ADAMTS19: variants seen among roughly 807,000 people sequenced by gnomAD.
ADAMTS19 encodes the protein A disintegrin and metalloproteinase with thrombospondin motifs 19.
In ADAMTS19, 93 loss-of-function variants were observed where a neutral mutation model predicts 153.3. The observed-to-expected ratio is 0.61, with a 90% CI of 0.51 to 0.72. The LOEUF is 0.72. Ranked by LOEUF, ADAMTS19 falls within the 30% of genes least tolerant of loss-of-function variation. The pLI is 0.00. For synonymous variants in ADAMTS19, 600 were observed against 556.6 expected (o/e 1.08, Z -1.10); for missense variants, 1,482 against 1,552.1 (o/e 0.95, Z 0.76).
intron 8 of ADAMTS19, among the ~76,000 whole-genome samples, chr5:129,613,779 A>G (rs548021128): frequency 2.0e-5 from 3 of 152,196 alleles, no homozygotes; most frequent in Non-Finnish European, 4.4e-5. Flanking sequence ...CAAAATTGAT[A>G]GACTGCTAGC....
intron 2 of ADAMTS19, among the ~76,000 whole-genome samples, chr5:129,492,269 G>A (rs1405428647): frequency 6.6e-6 from 1 of 151,964 alleles, no homozygotes; most frequent in Non-Finnish European, 1.5e-5. Context: ...TCAAGGGGAG[G>A]GTACTAAACC....
chr5:129,548,549 GA>G (rs1159378061), intron 6 of ADAMTS19, among the ~76,000 whole-genome samples: 1 of 151,616 alleles, frequency 6.6e-6, no homozygotes, highest in African/African-American at 2.4e-5. Flanking sequence ...AGGATGTGGA[GA>G]AATAGGAACA....
In ADAMTS19 at chr5:129,527,821, A is replaced by G. The variant is rs763031506; in HGVS notation, c.1160A>G (p.His387Arg). The G allele has an allele frequency of 5.7e-6, 9 of 1,586,826 alleles. No homozygotes were observed. Among genetic ancestry groups the G allele is most frequent in the Non-Finnish European group, 7.8e-6 (9 of 1,161,054 alleles). ...NLRVIKLILL[H>R]ETPPELYIGH... ...CGTGTGATAAAGCTTATTCTGCTCC[A>G]TGAAACTCCAGTAAGAAAGTCTTGA... Residue 387 changes from histidine to arginine, a missense_variant, in exon 5 of 23, where the codon CAT becomes CGT. Around this residue, in one of 2 missense-constraint regions of ADAMTS19, gnomAD observed 866 missense variants for 827.7 expected, o/e 1.05. Transcript: ENST00000274487.
chr5:129,486,849 A>G (rs1340457124), intron 2 of ADAMTS19, among the ~76,000 whole-genome samples: 1 of 152,210 alleles, frequency 6.6e-6, no homozygotes, highest in Non-Finnish European at 1.5e-5. Flanking sequence ...CAACATGATC[A>G]TGTACATAGA....
rs1755485362 is a variant in ADAMTS19, at chr5:129,694,829, G to C, written c.2928G>C (p.Lys976Asn). Reference protein sequence around the residue: ...YLTKPEPQIRKCNEQPCQTRW... With the variant: ...YLTKPEPQIRNCNEQPCQTRW... Reference sequence around the variant, plus strand: ...CCAAGCCAGAGCCACAGATTCGAAAGTGCAATGAGCAACCATGTCAAACAA... The same window carrying C: ...CCAAGCCAGAGCCACAGATTCGAAACTGCAATGAGCAACCATGTCAAACAA... The change falls in exon 19 of 23, where the codon AAG becomes AAC. Residue 976 changes from lysine (K) to asparagine (N), a missense_variant. Lys to Asn is a moderately conservative substitution (Grantham distance 94). Transcript: ENST00000274487. 1 of 1,593,580 alleles carries C rather than the reference G, an allele frequency of 6.3e-7. No individual in the cohort carries two copies. Among genetic ancestry groups the C allele is most frequent in the Non-Finnish European group, 8.6e-7 (1 of 1,169,316 alleles).
intron 16 of ADAMTS19, among the ~76,000 whole-genome samples, chr5:129,674,800 C>T (rs1015041786): frequency 5.3e-5 from 8 of 152,028 alleles, no homozygotes; most frequent in Non-Finnish European, 4.4e-5. Context: ...GTTAATTATA[C>T]TAAAAATAAT....
At chr5:129,517,805 G>A (rs1377781581) in intron 3 of ADAMTS19, among the ~76,000 whole-genome samples, 1 of 151,810 alleles carries the variant, frequency 6.6e-6, no homozygotes, top group Non-Finnish European at 1.5e-5. Context: ...TGATAAGTAA[G>A]GACTTATACT....
At chr5:129,599,725 A>G (rs535555761) in intron 8 of ADAMTS19, among the ~76,000 whole-genome samples, 8 of 152,274 alleles carry the variant, frequency 5.3e-5, no homozygotes, top group East Asian at 1.9e-4. Context: ...TATGTAGTAG[A>G]AATGTTGGTT....
intron 8 of ADAMTS19, among the ~76,000 whole-genome samples, chr5:129,598,858 G>A (rs559405980): frequency 6.6e-6 from 1 of 152,110 alleles, no homozygotes; most frequent in African/African-American, 2.4e-5. Context: ...TCCAGCAGTT[G>A]GTCTTGTGGA....
intron 3 of ADAMTS19, among the ~76,000 whole-genome samples, chr5:129,519,578 T>C (rs1280173823): frequency 6.6e-6 from 1 of 151,960 alleles, no homozygotes; most frequent in Non-Finnish European, 1.5e-5. Context: ...TCAAGTTTTC[T>C]TGGAGGCTCA....
intron 10 of ADAMTS19, among the ~76,000 whole-genome samples, chr5:129,638,733 A>C (rs962491548): frequency 6.6e-6 from 1 of 152,144 alleles, no homozygotes. Context: ...AATGCAGGGA[A>C]AAGAAGGTAG....
chr5:129,461,057 A>G lies in ADAMTS19; in HGVS notation c.92-45A>G. 1 of 1,318,460 alleles carries G rather than the reference A, an allele frequency of 7.6e-7. No individual in the cohort carries two copies. The highest frequency in any genetic ancestry group is 9.6e-7 in the Non-Finnish European group (1 of 1,038,960). 81.7% of individuals were successfully genotyped at this position (1,318,460 alleles called of 1,614,324 possible). ...GCTTGGAAATGTTTGTGCTACTGGA[A>G]CCGCGGCACTTTAAGCCCCGCACTT... is the stretch of plus-strand genomic sequence containing the variant. On this transcript the variant is annotated intron_variant, in intron 1 of 22. Transcript: ENST00000274487. The surrounding 1 kb of genome is among the most constrained non-coding windows in gnomAD (Gnocchi z 4.6).
intron 14 of ADAMTS19, among the ~76,000 whole-genome samples, chr5:129,658,344 A>AG (rs1491162145): frequency 1.2e-4 from 17 of 145,786 alleles, no homozygotes; most frequent in African/African-American, 3.6e-4. Flanking sequence ...AAAGAAAGAA[A>AG]GAAAGAAAGA....
chr5:129,646,852 A>G (rs1007299355), intron 11 of ADAMTS19, among the ~76,000 whole-genome samples: 1 of 152,122 alleles, frequency 6.6e-6, no homozygotes, highest in Non-Finnish European at 1.5e-5. Context: ...AATCTTACTT[A>G]TTATTCTCAA....
At chr5:129,660,192 G>T (rs569208894) in intron 15 of ADAMTS19, among the ~76,000 whole-genome samples, 1 of 152,172 alleles carries the variant, frequency 6.6e-6, no homozygotes, top group South Asian at 2.1e-4. Flanking sequence ...TAAGGCCTAT[G>T]GTAAATTGCA....
At chr5:129,543,956 CT>C (rs1453822383) in intron 6 of ADAMTS19, among the ~76,000 whole-genome samples, 2 of 142,320 alleles carry the variant, frequency 1.4e-5, no homozygotes, top group Admixed American at 1.3e-4. Flanking sequence ...CATTTTGTGC[CT>C]TGTATTGAAA....
chr5:129,729,414 T>C (rs1471136272), intron 21 of ADAMTS19, among the ~76,000 whole-genome samples: 2 of 151,914 alleles, frequency 1.3e-5, no homozygotes, highest in Non-Finnish European at 2.9e-5. Flanking sequence ...ATAAAAGTTT[T>C]ACCAAATTAT....
At chr5:129,515,122 CT>C (rs1229453796) in intron 3 of ADAMTS19, among the ~76,000 whole-genome samples, 2 of 151,702 alleles carry the variant, frequency 1.3e-5, no homozygotes, top group Non-Finnish European at 3.0e-5. Context: ...TGTTTCTTTG[CT>C]TTCTGTTATA....
chr5:129,538,961 C>G (rs1752558074), intron 6 of ADAMTS19, among the ~76,000 whole-genome samples: 1 of 152,112 alleles, frequency 6.6e-6, no homozygotes. Context: ...CTACTCTGCT[C>G]TCCAACCCTA....
Sources: allele counts gnomAD v4.1 joint callset (sites outside exome capture counted in the v4.1 genomes callset), GRCh38; gene constraint gnomAD v4.1.1; regional missense constraint gnomAD v4.1.1; non-coding constraint Gnocchi (gnomAD v3.1); transcripts MANE v1.5; gene names NCBI Gene and HGNC (gene_info 2026-07-23, HGNC 2026-07-21).